The following SRGAP3 variants were observed in gnomAD, a reference collection of about 807,000 sequenced individuals.
The protein encoded by SRGAP3 is SLIT-ROBO Rho GTPase activating protein 3.
Under a neutral mutation model 121.1 loss-of-function variants are expected in SRGAP3, and 39 were observed. The observed-to-expected ratio is 0.32, with a 90% confidence interval of 0.25 to 0.42. SRGAP3 has a LOEUF of 0.42. Among genes scored for constraint, SRGAP3 ranks in the 10% least tolerant of loss-of-function variants. SRGAP3 has a pLI of 1.00. For missense variants in SRGAP3, 1,213 were observed against 1,470.6 expected (o/e 0.82, Z 2.86); for synonymous variants, 601 against 570.0 (o/e 1.05, Z -0.77).
intron 15 of SRGAP3, 68 bp from the exon 16 acceptor site, chr3:9,013,910 G>C (rs1205001321): frequency 1.7e-5 from 25 of 1,454,772 alleles, no homozygotes; most frequent in East Asian, 2.3e-5. Flanking sequence ...ACATTCGCTC[G>C]CCACATCTCC....
intron 6 of SRGAP3, 85 bp downstream of exon 6, chr3:9,060,146 C>A (rs1172585436): frequency 6.2e-7 from 1 of 1,604,872 alleles, no homozygotes; most frequent in Non-Finnish European, 8.5e-7. Flanking sequence ...CAGGTAAAGA[C>A]AAAGACCAGC....
At chr3:9,285,982 G>A (rs995818963) in intron 3 of SRGAP3, among the ~76,000 whole-genome samples, 4 of 151,612 alleles carry the variant, frequency 2.6e-5, no homozygotes, top group African/African-American at 4.8e-5. Context: ...GCTTAGTGAC[G>A]TGCACCTGTA....
chr3:9,046,833 TTTC>T (rs899190537), intron 10 of SRGAP3, among the ~76,000 whole-genome samples: 3 of 133,304 alleles, frequency 2.3e-5, no homozygotes, highest in Non-Finnish European at 5.1e-5. Flanking sequence ...TTTCTTTTCT[TTTC>T]TTTTTTTTTT....
At chr3:9,120,374 C>T (rs1400033828) in intron 2 of SRGAP3, among the ~76,000 whole-genome samples, 2 of 152,212 alleles carry the variant, frequency 1.3e-5, no homozygotes, top group Non-Finnish European at 2.9e-5. Context: ...TTGGGGCCTC[C>T]TCAGCCATAC....
At chr3:9,144,887 T>C (rs1204754098) in intron 1 of SRGAP3, among the ~76,000 whole-genome samples, 2 of 152,220 alleles carry the variant, frequency 1.3e-5, no homozygotes, top group Admixed American at 6.5e-5. Flanking sequence ...GCTAAGAGCA[T>C]TAAATGAGAT....
At chr3:9,230,695 C>T (rs1056023481) in intron 1 of SRGAP3, among the ~76,000 whole-genome samples, 1 of 152,078 alleles carries the variant, frequency 6.6e-6, no homozygotes, top group Middle Eastern at 3.4e-3. Context: ...AATAGCAAGA[C>T]GCTGTCTCTA....
At chr3:9,202,831 C>T (rs562201699) in intron 1 of SRGAP3, among the ~76,000 whole-genome samples, 37 of 152,382 alleles carry the variant, frequency 2.4e-4, no homozygotes, top group African/African-American at 8.9e-4. Flanking sequence ...CAGTGGCTGA[C>T]AGCTCCCAGC....
chr3:9,023,585 C>A (rs1390023217), intron 14 of SRGAP3, among the ~76,000 whole-genome samples: 4 of 152,184 alleles, frequency 2.6e-5, no homozygotes, highest in South Asian at 2.1e-4. Flanking sequence ...CTATGCTCCC[C>A]AATGCCTACT....
intron 21 of SRGAP3, 133 bp downstream of exon 21, chr3:8,990,379 C>T (rs1574855744): frequency 8.5e-7 from 1 of 1,172,520 alleles, no homozygotes; most frequent in Non-Finnish European, 1.2e-6. Flanking sequence ...ACGGGGAGGC[C>T]ACTCACTCTC....
intron 1 of SRGAP3, among the ~76,000 whole-genome samples, chr3:9,149,385 C>T (rs533290853): frequency 6.6e-6 from 1 of 152,292 alleles, no homozygotes; most frequent in East Asian, 1.9e-4. Flanking sequence ...TCCCATGAGG[C>T]AGGTTAATTG....
At chr3:9,060,179 T>C (rs376192267) in intron 6 of SRGAP3, 52 bp downstream of exon 6, 19 of 1,612,992 alleles carry the variant, frequency 1.2e-5, no homozygotes, top group Non-Finnish European at 1.6e-5. Flanking sequence ...CAGTGACATG[T>C]GCCAGCCCTG....
At chr3:9,340,994 T>C (rs1378542517) in intron 1 of SRGAP3, among the ~76,000 whole-genome samples, 1 of 152,232 alleles carries the variant, frequency 6.6e-6, no homozygotes, top group Non-Finnish European at 1.5e-5. Flanking sequence ...CCAGTATGGC[T>C]GGGTTTTGGT....
intron 3 of SRGAP3, among the ~76,000 whole-genome samples, chr3:9,325,351 C>A (rs1955501291): frequency 6.6e-6 from 1 of 151,820 alleles, no homozygotes; most frequent in Admixed American, 6.5e-5. Context: ...ATTCACTTGA[C>A]TGAGTGGTCT....
intron 1 of SRGAP3, among the ~76,000 whole-genome samples, chr3:9,166,390 G>A (rs1950785498): frequency 6.6e-6 from 1 of 152,152 alleles, no homozygotes; most frequent in Non-Finnish European, 1.5e-5. Context: ...TATCCTCTTT[G>A]TTCACAAAGA....
At chr3:9,069,752 G>T (rs754504612) in intron 4 of SRGAP3, among the ~76,000 whole-genome samples, 22 of 152,174 alleles carry the variant, frequency 1.4e-4, no homozygotes, top group Non-Finnish European at 2.2e-4. Context: ...TTTGAGACCA[G>T]CCTGGCCAAC....
chr3:9,168,482 G>A (rs1950870888), intron 1 of SRGAP3, among the ~76,000 whole-genome samples: 1 of 152,246 alleles, frequency 6.6e-6, no homozygotes, highest in South Asian at 2.1e-4. Flanking sequence ...CGCATGAGCA[G>A]GATGTGCAGT....
intron 1 of SRGAP3, among the ~76,000 whole-genome samples, chr3:9,183,767 A>AACACACACACACACAC (rs62971361): frequency 6.7e-6 from 1 of 148,150 alleles, no homozygotes; most frequent in East Asian, 2.0e-4. Context: ...CAAATTTGCT[A>AACACACACACACACAC]ACACACACAC....
At chr3:9,018,091 G>A (rs1015979747) in intron 14 of SRGAP3, among the ~76,000 whole-genome samples, 1 of 152,186 alleles carries the variant, frequency 6.6e-6, no homozygotes, top group African/African-American at 2.4e-5. Context: ...ACACAGGAGT[G>A]AGAACATTCA....
intron 3 of SRGAP3, among the ~76,000 whole-genome samples, chr3:9,101,664 G>A (rs1324732068): frequency 6.6e-6 from 1 of 152,208 alleles, no homozygotes; most frequent in Non-Finnish European, 1.5e-5. Context: ...GAAAGACAGA[G>A]TTCTAGTAAC....
Sources: allele counts gnomAD v4.1 joint callset (sites outside exome capture counted in the v4.1 genomes callset), GRCh38; gene constraint gnomAD v4.1.1; transcripts MANE v1.5; gene names NCBI Gene and HGNC (gene_info 2026-07-23, HGNC 2026-07-21).